CACNA1B: variants seen among roughly 807,000 people sequenced by gnomAD.
CACNA1B encodes the protein calcium voltage-gated channel subunit alpha1 B.
CACNA1B carries 70 observed loss-of-function variants against 247.2 expected under a neutral mutation model. That is an observed-to-expected ratio of 0.28 (90% confidence interval 0.23 to 0.35). The LOEUF is 0.35. Among genes scored for constraint, CACNA1B ranks in the 10% least tolerant of loss-of-function variants. CACNA1B has a pLI of 1.00. For missense variants in CACNA1B, 2,367 were observed against 3,197.4 expected (o/e 0.74, Z 6.26); for synonymous variants, 1,231 against 1,294.4 (o/e 0.95, Z 1.05).
In CACNA1B at chr9:138,054,309, G is replaced by A. The variant is rs1461493170; in HGVS notation, c.3968+303G>A. On this transcript the variant is annotated intron_variant, in intron 26 of 46. Transcript: ENST00000371372. This position sits in a 1 kb window ranked among gnomAD's most constrained non-coding sequence, Gnocchi z 4.6. ...ATCCAGGGAGCTCAAGGTGCCCACTGGGCAAGGCTTTCTCTAAGCCCTAGA... is the reference window on the plus strand; with the variant it reads ...ATCCAGGGAGCTCAAGGTGCCCACTAGGCAAGGCTTTCTCTAAGCCCTAGA... 6.6e-6 allele frequency among the ~76,000 whole-genome samples: 1 copy of A among 152,254 alleles called. No individual in the cohort carries two copies. Among genetic ancestry groups the A allele is most frequent in the Non-Finnish European group, 1.5e-5 (1 of 68,042 alleles).
At chr9:138,114,562 A>G (rs1961787930) in intron 41 of CACNA1B, 72 bp downstream of exon 41, 4 of 726,696 alleles carry the variant, frequency 5.5e-6, no homozygotes, top group Non-Finnish European at 9.5e-6. Context: ...CGGGGGGTTG[A>G]CGACGGGGGA....
rs548264704 is a variant in CACNA1B, at chr9:138,000,363, G to A, written c.1975-6404G>A. ...TCAGCCCGCCTTGGCCTCCCAAAGT[G>A]CTGGGATTACAGACATGAGCCACCG... On this transcript the variant is annotated intron_variant, in intron 15 of 46. Transcript: ENST00000371372. 3.3e-4 allele frequency among the ~76,000 whole-genome samples: 50 copies of A among 152,300 alleles called. 2 individuals carry two copies. In the South Asian group the frequency reaches 7.5e-3, roughly 23 times the overall value.
At chr9:137,997,409 A>G (rs1276285385) in intron 15 of CACNA1B, among the ~76,000 whole-genome samples, 1 of 152,232 alleles carries the variant, frequency 6.6e-6, no homozygotes, top group African/African-American at 2.4e-5. Context: ...TACACAGAAA[A>G]CTCAAGTCCT....
Position 137,888,551 on chromosome 9 carries a change from C to T in CACNA1B, c.530+5668C>T, listed in dbSNP as rs1363777611. ...CACATCCTGGCTCAGGCAGGTGGCTCTCCGGGGGAGCTTTCCAACCACGGC... is the reference window on the plus strand; with the variant it reads ...CACATCCTGGCTCAGGCAGGTGGCTTTCCGGGGGAGCTTTCCAACCACGGC... On this transcript the variant is annotated intron_variant, in intron 3 of 46. Coordinates refer to ENST00000371372, the MANE Select transcript of CACNA1B (RefSeq NM_000718.4). The surrounding 1 kb of genome is among the most constrained non-coding windows in gnomAD (Gnocchi z 4.7). Among the ~76,000 whole-genome samples the T allele has an allele frequency of 2.0e-5, 3 of 152,256 alleles. No individual in the cohort carries two copies. The highest frequency in any genetic ancestry group is 7.2e-5 in the African/African-American group (3 of 41,464).
chr9:137,890,344 GA>G (rs1191195756), intron 3 of CACNA1B: 22 of 149,332 alleles, frequency 1.5e-4, no homozygotes, highest in African/African-American at 5.1e-4. Context: ...GGGGACGGGG[GA>G]CATGGGTGGG....
intron 6 of CACNA1B, among the ~76,000 whole-genome samples, chr9:137,937,638 A>T (rs1208756767): frequency 6.6e-6 from 1 of 152,166 alleles, no homozygotes; most frequent in Non-Finnish European, 1.5e-5. Context: ...CATTGTCATC[A>T]TATTATCTAA....
rs978483540 is a variant in CACNA1B, at chr9:138,037,360, C to T, written c.3287-6414C>T. Among the ~76,000 whole-genome samples the T allele has an allele frequency of 2.6e-5, 4 of 152,122 alleles. No individual in the cohort carries two copies. In the South Asian group the frequency reaches 8.3e-4, roughly 31 times the overall value. On this transcript the variant is annotated intron_variant, in intron 20 of 46. Transcript: ENST00000371372. Reference sequence around the variant, plus strand: ...TGACAACCAAAGGATGTCTAGAGACCGTTGTGAAAGAATCCAGGCCGGGCT... The same window carrying T: ...TGACAACCAAAGGATGTCTAGAGACTGTTGTGAAAGAATCCAGGCCGGGCT...
rs558176608 is a variant in CACNA1B at position 138,098,218 on chromosome 9, A to G, written c.5222+1607A>G. Among the ~76,000 whole-genome samples the G allele has an allele frequency of 2.6e-5, 4 of 152,328 alleles. No homozygotes were observed. The South Asian group carries it at 8.3e-4, about 32-fold the overall frequency. The stretch of plus-strand genomic sequence containing the variant: ...TGCAGCAATATGTTTGCCCTGTGAT[A>G]CTTACTTCATGCTGGGAGGGACAGG... On this transcript the variant is annotated intron_variant, in intron 37 of 46. Coordinates refer to ENST00000371372, the MANE Select transcript of CACNA1B (RefSeq NM_000718.4).
At chr9:137,916,191 C>G (rs1957408982) in intron 5 of CACNA1B, among the ~76,000 whole-genome samples, 2 of 151,974 alleles carry the variant, frequency 1.3e-5, no homozygotes, top group South Asian at 4.2e-4. Flanking sequence ...TGGTGCCACG[C>G]CCAGCTAATT....
At chr9:137,922,925 C>G (rs534955753) in intron 6 of CACNA1B, among the ~76,000 whole-genome samples, 32 of 152,248 alleles carry the variant, frequency 2.1e-4, no homozygotes, top group African/African-American at 7.2e-4. Flanking sequence ...GTGGTCACAC[C>G]CGCATCTCTC....
rs1959313210 is a variant in CACNA1B at position 138,052,241 on chromosome 9, T to TGTGTGCGC, written c.3807+58_3807+59insCGCGTGTG. 9.5e-6 allele frequency: 8 copies of TGTGTGCGC among 843,562 alleles called. No homozygotes were observed. The highest frequency in any genetic ancestry group is 2.3e-5 in the African/African-American group (1 of 43,956). 52.3% of individuals were successfully genotyped at this position (843,562 alleles called of 1,614,324 possible). On this transcript the variant is annotated intron_variant, in intron 25 of 46. Coordinates refer to ENST00000371372, the MANE Select transcript of CACNA1B (RefSeq NM_000718.4). The surrounding 1 kb of genome is among the most constrained non-coding windows in gnomAD (Gnocchi z 5.1). The stretch of plus-strand genomic sequence containing the variant: ...GATGTGCTGTGTGTGTGTGCGTGTG[T>TGTGTGCGC]GTGTGTGCGTGTGTGTGTGTGTATG...
intron 10 of CACNA1B, among the ~76,000 whole-genome samples, chr9:137,960,063 A>G (rs1271796448): frequency 1.4e-5 from 2 of 138,338 alleles, no homozygotes; most frequent in Non-Finnish European, 3.2e-5. Context: ...GGGGCGGGGG[A>G]GAGGGGAGGT....
intron 15 of CACNA1B, among the ~76,000 whole-genome samples, chr9:137,995,244 G>A (rs1448128072): frequency 8.8e-5 from 13 of 147,686 alleles, no homozygotes; most frequent in Non-Finnish European, 1.6e-4. Context: ...TCAGCAAAAA[G>A]AACAAAGCTG....
intron 44 of CACNA1B, among the ~76,000 whole-genome samples, chr9:138,119,005 C>T (rs983595816): frequency 2.6e-5 from 4 of 152,110 alleles, no homozygotes; most frequent in African/African-American, 9.7e-5. Context: ...TGGGTCAGGT[C>T]CGGTAGAGGA....
At position 137,984,172 on chromosome 9, in the gene CACNA1B, C is replaced by T. The variant is rs745437998; in HGVS notation, c.1691C>T (p.Ala564Val). 5.6e-6 allele frequency: 9 copies of T among 1,603,034 alleles called. No individual in the cohort carries two copies. Among genetic ancestry groups the T allele is most frequent in the African/African-American group, 2.7e-5 (2 of 74,752 alleles). The change falls in exon 13 of 47, where the codon GCG becomes GTG. Residue 564 changes from alanine to valine, a missense_variant. Transcript: ENST00000371372. ...IVGSVFEVVW[A>V]AIKPGSSFGI... ...GGGAGCGTCTTTGAAGTGGTCTGGG[C>T]GGCCATCAAGCCGGGAAGCTCCTTT...
In CACNA1B at chr9:138,105,742, C is replaced by G; in HGVS notation, c.5363C>G (p.Thr1788Ser). ...MNMPISNEDM[T>S]VHFTSTLMAL... The stretch of plus-strand genomic sequence containing the variant: ...ATGCCCATCTCCAACGAGGACATGA[C>G]TGTTCACTTCACGTCCACGCTGATG... Residue 1788 changes from threonine (T) to serine (S), a missense_variant, in exon 39 of 47, where the codon ACT (threonine) becomes AGT (serine). Physicochemically the swap from Thr to Ser is moderately conservative, Grantham distance 58. Coordinates refer to ENST00000371372, the MANE Select transcript of CACNA1B (RefSeq NM_000718.4). The G allele has an allele frequency of 6.4e-7, 1 of 1,567,148 alleles. No homozygotes were observed. The highest frequency in any genetic ancestry group is 1.2e-5 in the South Asian group (1 of 84,866).
At chr9:137,941,097 C>T (rs1957728223) in intron 6 of CACNA1B, among the ~76,000 whole-genome samples, 2 of 152,090 alleles carry the variant, frequency 1.3e-5, no homozygotes, top group South Asian at 4.2e-4. Flanking sequence ...GAAAGGTTAT[C>T]CAAATTGGGA....
Position 138,123,085 on chromosome 9 carries a change from T to C in CACNA1B, c.*1086T>C, listed in dbSNP as rs1962155808. ...AGGCATTTTCAGTCTGTTCTGCATA[T>C]GATTCTCAGGGCACACTCTGTGGTA... On this transcript the variant is annotated 3_prime_UTR_variant, in exon 47 of 47. Coordinates refer to ENST00000371372, the MANE Select transcript of CACNA1B (RefSeq NM_000718.4). 6.6e-6 allele frequency: 1 copy of C among 152,290 alleles called. No individual in the cohort carries two copies. The highest frequency in any genetic ancestry group is 2.4e-5 in the African/African-American group (1 of 41,468). 9.4% of individuals were successfully genotyped at this position (152,290 alleles called of 1,614,324 possible).
chr9:138,028,761 C>G, intron 20 of CACNA1B, among the ~76,000 whole-genome samples: 1 of 152,216 alleles, frequency 6.6e-6, no homozygotes, highest in East Asian at 1.9e-4. Flanking sequence ...TTCAGACTTG[C>G]TTGGTCTGAT....
Sources: allele counts gnomAD v4.1 joint callset (sites outside exome capture counted in the v4.1 genomes callset), GRCh38; gene constraint gnomAD v4.1.1; non-coding constraint Gnocchi (gnomAD v3.1); transcripts MANE v1.5; gene names NCBI Gene and HGNC (gene_info 2026-07-23, HGNC 2026-07-21).